The following PHKB variants were observed in gnomAD, a reference collection of about 807,000 sequenced individuals.
PHKB encodes phosphorylase b kinase regulatory subunit beta.
Under a neutral mutation model 152.1 loss-of-function variants are expected in PHKB, and 122 were observed. The observed-to-expected ratio is 0.80, with a 90% CI of 0.69 to 0.93. The LOEUF (loss-of-function observed/expected upper bound fraction) is 0.93, where lower values mean the gene tolerates loss of function less well. Ranked by LOEUF, PHKB falls within the 40% of genes least tolerant of loss-of-function variation. PHKB has a pLI of 0.00. For missense variants in PHKB, 1,304 were observed against 1,328.4 expected (o/e 0.98, Z 0.29); for synonymous variants, 436 against 464.9 (o/e 0.94, Z 0.80).
At chr16:47,658,809 A>T (rs897438517) in intron 20 of PHKB, among the ~76,000 whole-genome samples, 48 of 140,828 alleles carry the variant, frequency 3.4e-4, no homozygotes, top group African/African-American at 8.7e-4. Context: ...AATGCATGAC[A>T]GTGTGTGTGT....
intron 1 of PHKB, chr16:47,464,072 TATC>T (rs1372947222): frequency 8.6e-6 from 8 of 925,264 alleles, no homozygotes; most frequent in Non-Finnish European, 1.1e-5. Context: ...CACTATAAGA[TATC>T]ATTATGTCTT....
intron 7 of PHKB, chr16:47,566,399 A>C (rs1345684232): frequency 8.2e-6 from 13 of 1,595,018 alleles, no homozygotes; most frequent in Non-Finnish European, 1.1e-5. Flanking sequence ...CGTCCACTCA[A>C]ATTCTCCTGT....
chr16:47,664,965 A>C lies in PHKB; in HGVS notation c.2417A>C (p.His806Pro). 6.2e-7 allele frequency: 1 copy of C among 1,608,064 alleles called. No homozygotes were observed. ...IAPHITTFLV[H>P]GKQVTLGAFG... The stretch of plus-strand genomic sequence containing the variant: ...CCACACATTACTACTTTTCTGGTAC[A>C]TGGGAAACAGGTAACATGCACAGAA... The change falls in exon 25 of 31, where the codon CAT becomes CCT. Residue 806 changes from histidine (H) to proline (P), a missense_variant. His to Pro is a moderately conservative substitution (Grantham distance 77). Coordinates refer to ENST00000323584, the MANE Select transcript of PHKB (RefSeq NM_000293.3).
chr16:47,522,561 AT>A lies in PHKB; in HGVS notation c.594+6967del, dbSNP rs1203452140. 2.8e-5 allele frequency among the ~76,000 whole-genome samples: 4 copies of A among 143,582 alleles called. No homozygotes were observed. In the East Asian group the frequency reaches 8.3e-4, roughly 30 times the overall value. The allele number at this position is 143,582 out of a possible 152,430, so 94.2% of individuals were successfully genotyped here. A position where few individuals can be genotyped will look rare whatever the true frequency, so the allele number is the denominator to read the frequency against. On this transcript the variant is annotated intron_variant, in intron 6 of 30. Transcript: ENST00000323584. ...ATTTATTTTTTTTTTAGTCTTTATT[AT>A]TTTTTTCCTTCTGGTTGGTTTAGGT...
At chr16:47,677,236 G>A (rs1287062365) in intron 26 of PHKB, among the ~76,000 whole-genome samples, 1 of 152,146 alleles carries the variant, frequency 6.6e-6, no homozygotes, top group African/African-American at 2.4e-5. Context: ...GATTGGATCA[G>A]TGATAGAGGG....
At chr16:47,567,165 T>C (rs1160868963) in intron 7 of PHKB, among the ~76,000 whole-genome samples, 2 of 152,216 alleles carry the variant, frequency 1.3e-5, no homozygotes, top group Non-Finnish European at 2.9e-5. Flanking sequence ...TTGCATTGAA[T>C]CTATAGATTG....
At chr16:47,521,122 G>A (rs1171145473) in intron 6 of PHKB, among the ~76,000 whole-genome samples, 3 of 152,052 alleles carry the variant, frequency 2.0e-5, no homozygotes, top group Non-Finnish European at 2.9e-5. Context: ...TCTTGAACTC[G>A]TGTTTAAGCT....
intron 14 of PHKB, among the ~76,000 whole-genome samples, chr16:47,611,488 A>G (rs529236597): frequency 6.6e-6 from 1 of 152,322 alleles, no homozygotes; most frequent in South Asian, 2.1e-4. Flanking sequence ...AGGACTGTTA[A>G]AATGAGAATG....
At chr16:47,664,006 C>G in intron 24 of PHKB, 1 of 481,582 alleles carries the variant, frequency 2.1e-6, no homozygotes, top group Non-Finnish European at 3.7e-6. Context: ...CTGTACACCT[C>G]CTCTGCCCCA....
chr16:47,566,322 T>C, intron 7 of PHKB: 2 of 1,258,164 alleles, frequency 1.6e-6, no homozygotes, highest in Non-Finnish European at 2.3e-6. Flanking sequence ...TGTTTTGTCA[T>C]AATCCCCATT....
At chr16:47,692,985 T>C (rs537967692) in intron 27 of PHKB, among the ~76,000 whole-genome samples, 16 of 152,318 alleles carry the variant, frequency 1.1e-4, no homozygotes, top group East Asian at 7.7e-4. Context: ...GATCAAATTA[T>C]ATGATTTCCA....
At chr16:47,486,458 A>G (rs1414147058) in intron 1 of PHKB, among the ~76,000 whole-genome samples, 2 of 152,234 alleles carry the variant, frequency 1.3e-5, no homozygotes, top group African/African-American at 4.8e-5. Context: ...TGTATCTTGT[A>G]TAGATGAGTC....
intron 6 of PHKB, among the ~76,000 whole-genome samples, chr16:47,524,102 G>T (rs1231109155): frequency 6.6e-6 from 1 of 152,144 alleles, no homozygotes. Context: ...TTAATGCTCG[G>T]ATCGTTGTAT....
chr16:47,557,826 C>T (rs1032733552), intron 7 of PHKB, among the ~76,000 whole-genome samples: 4 of 152,032 alleles, frequency 2.6e-5, no homozygotes, highest in Non-Finnish European at 4.4e-5. Context: ...GTCAGTGTGG[C>T]GATTCCTCAG....
At chr16:47,470,955 G>A (rs1969756316) in intron 1 of PHKB, among the ~76,000 whole-genome samples, 1 of 152,166 alleles carries the variant, frequency 6.6e-6, no homozygotes, top group African/African-American at 2.4e-5. Flanking sequence ...TCCTCCAGTT[G>A]TTTCCTACTG....
chr16:47,683,987 T>G (rs1021186119), intron 26 of PHKB, among the ~76,000 whole-genome samples: 2 of 152,148 alleles, frequency 1.3e-5, no homozygotes, highest in African/African-American at 4.8e-5. Context: ...TTAAAAAAAA[T>G]TATTTTTTCC....
chr16:47,606,304 T>G (rs988604786), intron 13 of PHKB, among the ~76,000 whole-genome samples: 3 of 152,184 alleles, frequency 2.0e-5, no homozygotes, highest in African/African-American at 7.2e-5. Context: ...GCAAATAAAT[T>G]TATAACCATT....
intron 7 of PHKB, among the ~76,000 whole-genome samples, chr16:47,555,236 T>G (rs1567304485): frequency 6.6e-6 from 1 of 152,260 alleles, no homozygotes; most frequent in Non-Finnish European, 1.5e-5. Context: ...TCATTTTATG[T>G]ATCTTTGCCA....
At chr16:47,497,743 A>G (rs1970257226) in intron 2 of PHKB, among the ~76,000 whole-genome samples, 1 of 152,146 alleles carries the variant, frequency 6.6e-6, no homozygotes, top group Non-Finnish European at 1.5e-5. Context: ...TAATCTTCCT[A>G]AACATTACCA....
Sources: allele counts gnomAD v4.1 joint callset (sites outside exome capture counted in the v4.1 genomes callset), GRCh38; gene constraint gnomAD v4.1.1; transcripts MANE v1.5; gene names NCBI Gene and HGNC (gene_info 2026-07-23, HGNC 2026-07-21).